Variants in IRAG1 observed in about 807,000 individuals in gnomAD.
IRAG1 encodes the protein inositol 1,4,5-triphosphate receptor associated 1, also known as IP3R-associated cGMP kinase substrate.
In IRAG1, 62 loss-of-function variants were observed where a neutral mutation model predicts 106.2. The observed-to-expected ratio is 0.58, with a 90% CI of 0.48 to 0.72. The LOEUF is 0.72. IRAG1 is among the 30% of genes least tolerant of loss of function. The pLI is 0.00. For synonymous variants in IRAG1, 462 were observed against 443.9 expected (o/e 1.04, Z -0.51); for missense variants, 1,064 against 1,140.7 (o/e 0.93, Z 0.97).
chr11:10,633,935 G>T, intron 3 of IRAG1, 33 bp downstream of exon 3: 1 of 1,314,792 alleles, frequency 7.6e-7, no homozygotes, highest in Non-Finnish European at 1.1e-6. Flanking sequence ...AGGAAATATT[G>T]TTTGTCACAA....
intron 11 of IRAG1, among the ~76,000 whole-genome samples, chr11:10,607,312 A>T (rs139418198): frequency 1.3e-5 from 2 of 152,340 alleles, no homozygotes; most frequent in African/African-American, 4.8e-5. Context: ...ACAAAGGTGC[A>T]TGCGGGCCAG....
At chr11:10,594,542 C>T (rs1591568701) in intron 15 of IRAG1, among the ~76,000 whole-genome samples, 3 of 152,298 alleles carry the variant, frequency 2.0e-5, no homozygotes, top group Admixed American at 2.0e-4. Flanking sequence ...TGGGTTATTT[C>T]ATGCTCGTTC....
intron 1 of IRAG1, among the ~76,000 whole-genome samples, chr11:10,673,304 T>C (rs886884919): frequency 1.3e-5 from 2 of 151,998 alleles, no homozygotes; most frequent in African/African-American, 4.8e-5. Flanking sequence ...AATGAAGTAA[T>C]GATATAAGTT....
At chr11:10,601,092 C>A in intron 14 of IRAG1, 33 bp from the exon 15 acceptor site, 1 of 1,611,466 alleles carries the variant, frequency 6.2e-7, no homozygotes, top group East Asian at 2.2e-5. Context: ...TGCATGAGGC[C>A]ATTGGAGGAA....
chr11:10,691,933 T>C (rs1029297199), intron 1 of IRAG1, among the ~76,000 whole-genome samples: 5 of 152,162 alleles, frequency 3.3e-5, no homozygotes, highest in Non-Finnish European at 5.9e-5. Flanking sequence ...GTGGAAAGAA[T>C]GACCCCTGCT....
rs960549816 is a variant in IRAG1, at chr11:10,659,775, G to A, written c.68-7593C>T. On this transcript the variant is annotated intron_variant, in intron 1 of 20. Coordinates refer to ENST00000423302, the MANE Select transcript of IRAG1 (RefSeq NM_130385.4). This position sits in a 1 kb window ranked among gnomAD's most constrained non-coding sequence, Gnocchi z 4.1. ...TCAAAATATGTACAATTGCTCAATC[G>A]GAGGCAGTTCAAAGGCACCGAGAAT... Among the ~76,000 whole-genome samples the A allele has an allele frequency of 2.0e-5, 3 of 151,542 alleles. No individual in the cohort carries two copies. Among genetic ancestry groups the A allele is most frequent in the Admixed American group, 1.3e-4 (2 of 15,208 alleles).
Position 10,652,136 on chromosome 11 carries a change from C to T in IRAG1, c.114G>A (p.Ala38=), listed in dbSNP as rs192842233. ...AGTGGCCACGTGTGCCCGGAACCTCCGCTGCGTCAGCCCCAAAGATGCTCC... is the reference window on the plus strand; with the variant it reads ...AGTGGCCACGTGTGCCCGGAACCTCTGCTGCGTCAGCCCCAAAGATGCTCC... ...ASWSIFGADA[A]EVPGTRGHSQ... is the part of the protein sequence containing the mutation. Residue 38 remains alanine (A), a synonymous_variant, in exon 2 of 21, where the codon GCG becomes GCA. Coordinates refer to ENST00000423302, the MANE Select transcript of IRAG1 (RefSeq NM_130385.4). The T allele has an allele frequency of 2.4e-5, 38 of 1,613,126 alleles. No individual in the cohort carries two copies. In the East Asian group the frequency reaches 3.6e-4, roughly 15 times the overall value.
chr11:10,672,739 A>G (rs980931681), intron 1 of IRAG1, among the ~76,000 whole-genome samples: 1 of 152,230 alleles, frequency 6.6e-6, no homozygotes, highest in Non-Finnish European at 1.5e-5. Context: ...AAAATGGCGT[A>G]ACCGCTTTGG....
intron 1 of IRAG1, among the ~76,000 whole-genome samples, chr11:10,663,128 AC>A (rs1290082441): frequency 1.3e-5 from 2 of 152,232 alleles, no homozygotes; most frequent in African/African-American, 2.4e-5. Context: ...ACCACCAGGA[AC>A]CAGAAGAGGC....
intron 1 of IRAG1, among the ~76,000 whole-genome samples, chr11:10,675,433 T>C (rs1254563897): frequency 2.0e-5 from 3 of 152,166 alleles, no homozygotes; most frequent in African/African-American, 4.8e-5. Context: ...ACTTTAACCC[T>C]GCAAATGGCT....
At chr11:10,580,733 G>T in intron 19 of IRAG1, 144 bp from the exon 20 acceptor site, 1 of 972,412 alleles carries the variant, frequency 1.0e-6, no homozygotes, top group Non-Finnish European at 1.5e-6. Flanking sequence ...AAGCTGGGAA[G>T]CTCCACTGAA....
chr11:10,599,027 A>T (rs1853645006), intron 15 of IRAG1, among the ~76,000 whole-genome samples: 2 of 152,234 alleles, frequency 1.3e-5, no homozygotes, highest in South Asian at 4.1e-4. Flanking sequence ...GCCTAGCCCA[A>T]GCTGAGGTAT....
chr11:10,675,800 T>G (rs568900044), intron 1 of IRAG1, among the ~76,000 whole-genome samples: 301 of 152,302 alleles, frequency 2.0e-3, no homozygotes, highest in Middle Eastern at 6.8e-3. Flanking sequence ...GCTGCGGTCT[T>G]TACTAAGTTT....
intron 20 of IRAG1, among the ~76,000 whole-genome samples, chr11:10,577,132 G>A (rs1386673966): frequency 3.3e-5 from 5 of 152,076 alleles, no homozygotes; most frequent in African/African-American, 4.8e-5. Flanking sequence ...AAATGACAAG[G>A]GACTAGATCA....
intron 1 of IRAG1, among the ~76,000 whole-genome samples, chr11:10,680,446 A>AGAGGG (rs1861138933): frequency 6.8e-6 from 1 of 146,642 alleles, no homozygotes; most frequent in Non-Finnish European, 1.5e-5. Context: ...GGAAGGAAAG[A>AGAGGG]AAGGGAAAGA....
intron 3 of IRAG1, among the ~76,000 whole-genome samples, chr11:10,633,089 T>G (rs1013433429): frequency 1.3e-5 from 2 of 150,346 alleles, no homozygotes; most frequent in Non-Finnish European, 3.0e-5. Flanking sequence ...TTTTTTTTTT[T>G]TTTGAGACGG....
At chr11:10,633,235 C>A (rs187435969) in intron 3 of IRAG1, among the ~76,000 whole-genome samples, 9 of 151,974 alleles carry the variant, frequency 5.9e-5, no homozygotes, top group Admixed American at 5.2e-4. Context: ...CCACCACACC[C>A]GGCTAATTTT....
At position 10,623,860 on chromosome 11, in the gene IRAG1, T is replaced by A; in HGVS notation, c.1369-4A>T. 1 of 1,613,452 alleles carries A rather than the reference T, an allele frequency of 6.2e-7. No homozygotes were observed. On this transcript the variant is annotated splice_region_variant and splice_polypyrimidine_tract_variant and intron_variant, in intron 9 of 20. Transcript: ENST00000423302. Reference sequence around the variant, plus strand: ...GATTTCTCATCAGGATGTGCTCCTTTGTGGTAAAAGAAAGAGATAACAATT... The same window carrying A: ...GATTTCTCATCAGGATGTGCTCCTTAGTGGTAAAAGAAAGAGATAACAATT...
rs1285512900 is a variant in IRAG1 at position 10,609,726 on chromosome 11, A to G, written c.1571+2T>C. 6.2e-7 allele frequency: 1 copy of G among 1,613,312 alleles called. No homozygotes were observed. Among genetic ancestry groups the G allele is most frequent in the Non-Finnish European group, 8.5e-7 (1 of 1,179,670 alleles). ...CTTCTGTAACCCACATCCTGATTTT[A>G]CCTTCCAGGGAGACTCCTGTGGACC... On this transcript the variant is annotated splice_donor_variant, in intron 11 of 20. Transcript: ENST00000423302. LOFTEE classifies it high-confidence loss of function.
Sources: gnomAD v4.1 joint callset for allele counts (sites outside exome capture counted in the v4.1 genomes callset) on GRCh38, gnomAD v4.1.1 for gene constraint, Gnocchi (gnomAD v3.1) non-coding constraint, MANE v1.5 for transcripts, NCBI Gene and HGNC (gene_info 2026-07-23, HGNC 2026-07-21) for gene names.